PCDHGC3: variants seen among roughly 807,000 people sequenced by gnomAD.
PCDHGC3 encodes the protein protocadherin gamma-C3.
In PCDHGC3, 26 loss-of-function variants were observed where a neutral mutation model predicts 59.2. The observed-to-expected ratio is 0.44, with a 90% CI of 0.32 to 0.61. The LOEUF is 0.61. Ranked by LOEUF, PCDHGC3 falls within the 20% of genes least tolerant of loss-of-function variation. The pLI, the probability that PCDHGC3 is intolerant of heterozygous loss-of-function variation, is 0.05. For missense variants in PCDHGC3, 1,080 were observed against 1,221.8 expected (o/e 0.88, Z 1.73); for synonymous variants, 487 against 519.7 (o/e 0.94, Z 0.86).
chr5:141,489,592 C>A lies in PCDHGC3; in HGVS notation c.2431-5215C>A, dbSNP rs747085985. On this transcript the variant is annotated intron_variant, in intron 1 of 3. Coordinates refer to ENST00000308177, the MANE Select transcript of PCDHGC3 (RefSeq NM_002588.4). The surrounding 1 kb of genome is among the most constrained non-coding windows in gnomAD (Gnocchi z 4.5). ...GACTGAACACCCCCTGGAGCTAATCCGTGTAGAGGTAGAGATCCTGGATCT... is the reference window on the plus strand; with the variant it reads ...GACTGAACACCCCCTGGAGCTAATCAGTGTAGAGGTAGAGATCCTGGATCT... 3 of 1,614,046 alleles carry A rather than the reference C, an allele frequency of 1.9e-6. No homozygotes were observed. Among genetic ancestry groups the A allele is most frequent in the Non-Finnish European group, 2.5e-6 (3 of 1,179,978 alleles).
intron 1 of PCDHGC3, among the ~76,000 whole-genome samples, chr5:141,481,913 CAAAAAAA>C (rs34114744): frequency 2.2e-5 from 2 of 90,812 alleles, no homozygotes; most frequent in Admixed American, 1.2e-4. Context: ...AACTCCATCT[CAAAAAAA>C]AAAAAAAAAA....
chr5:141,499,751 A>G (rs1355923543), intron 2 of PCDHGC3, among the ~76,000 whole-genome samples: 2 of 149,258 alleles, frequency 1.3e-5, no homozygotes, highest in Non-Finnish European at 3.0e-5. Flanking sequence ...CTGTGGCACA[A>G]TCTCAGCTCA....
Position 141,491,456 on chromosome 5 carries a change from C to A in PCDHGC3, c.2431-3351C>A. ...TGCAGGCGCCAGGACTCACCCTCCC[C>A]GGACTTCTATAAGCAGTCCAGCCCC... On this transcript the variant is annotated intron_variant, in intron 1 of 3. Coordinates refer to ENST00000308177, the MANE Select transcript of PCDHGC3 (RefSeq NM_002588.4). The surrounding 1 kb of genome is among the most constrained non-coding windows in gnomAD (Gnocchi z 6.9). 1.2e-6 allele frequency: 2 copies of A among 1,614,104 alleles called. No homozygotes were observed.
At chr5:141,497,499 C>G (rs1217418941) in intron 2 of PCDHGC3, among the ~76,000 whole-genome samples, 3 of 151,416 alleles carry the variant, frequency 2.0e-5, no homozygotes, top group Non-Finnish European at 4.4e-5. Context: ...TCTCTCTCCT[C>G]TCTCTGCTTC....
In PCDHGC3 at chr5:141,490,490, C is replaced by A. The variant is rs886264588; in HGVS notation, c.2431-4317C>A. The A allele has an allele frequency of 1.2e-6, 2 of 1,614,184 alleles. No individual in the cohort carries two copies. Among genetic ancestry groups the A allele is most frequent in the Non-Finnish European group, 1.7e-6 (2 of 1,180,028 alleles). ...AGCCAGCCTTTGGACCGGGAGGCCA[C>A]ATCCCACTATATCATCGAGCTGCTG... On this transcript the variant is annotated intron_variant, in intron 1 of 3. Transcript: ENST00000308177. The surrounding 1 kb of genome is among the most constrained non-coding windows in gnomAD (Gnocchi z 5.4).
chr5:141,490,045 C>G lies in PCDHGC3; in HGVS notation c.2431-4762C>G, dbSNP rs530803072. 6 of 1,614,114 alleles carry G rather than the reference C, an allele frequency of 3.7e-6. No individual in the cohort carries two copies. The highest frequency in any genetic ancestry group is 5.1e-6 in the Non-Finnish European group (6 of 1,180,014). On this transcript the variant is annotated intron_variant, in intron 1 of 3. Coordinates refer to ENST00000308177, the MANE Select transcript of PCDHGC3 (RefSeq NM_002588.4). This position sits in a 1 kb window ranked among gnomAD's most constrained non-coding sequence, Gnocchi z 5.4. ...GCTGCTCCGCCTCAATGCCACTGAT[C>G]CAGACGAGGGCACCAACGGCCAACT...
At position 141,481,719 on chromosome 5, in the gene PCDHGC3, G is replaced by A. The variant is rs1055207250; in HGVS notation, c.2430+3173G>A. On this transcript the variant is annotated intron_variant, in intron 1 of 3. Coordinates refer to ENST00000308177, the MANE Select transcript of PCDHGC3 (RefSeq NM_002588.4). ...CTGTAATCCCAGCACTTTGGGAGGC[G>A]GAGGCGGGCGGATCACGAGGTCAGG... 5.3e-5 allele frequency among the ~76,000 whole-genome samples: 8 copies of A among 151,716 alleles called. No homozygotes were observed. In the East Asian group the frequency reaches 9.7e-4, roughly 18 times the overall value.
In PCDHGC3 at chr5:141,476,445, T is replaced by G. The variant is rs2099391853; in HGVS notation, c.329T>G (p.Leu110Trp). 1 of 1,613,956 alleles carries G rather than the reference T, an allele frequency of 6.2e-7. No individual in the cohort carries two copies. The highest frequency in any genetic ancestry group is 1.7e-5 in the Admixed American group (1 of 60,008). ...TLPSCTVTLELVVENPLELFS... is the reference protein window; with the variant it reads ...TLPSCTVTLEWVVENPLELFS... The stretch of plus-strand genomic sequence containing the variant: ...CCCTCTTGCACTGTAACTCTGGAGT[T>G]GGTAGTGGAGAACCCGCTGGAGCTG... The change falls in exon 1 of 4, where the codon TTG becomes TGG. Residue 110 changes from leucine (L) to tryptophan (W), a missense_variant. Leu to Trp is a moderately conservative substitution (Grantham distance 61, BLOSUM62 -2). Coordinates refer to ENST00000308177, the MANE Select transcript of PCDHGC3 (RefSeq NM_002588.4). This position sits in a 1 kb window ranked among gnomAD's most constrained non-coding sequence, Gnocchi z 7.6.
Position 141,487,665 on chromosome 5 carries a change from G to T in PCDHGC3, c.2431-7142G>T, listed in dbSNP as rs373971935. 8.7e-5 allele frequency: 141 copies of T among 1,612,724 alleles called. No individual in the cohort carries two copies. The highest frequency in any genetic ancestry group is 1.1e-4 in the Non-Finnish European group (135 of 1,179,392). On this transcript the variant is annotated intron_variant, in intron 1 of 3. Coordinates refer to ENST00000308177, the MANE Select transcript of PCDHGC3 (RefSeq NM_002588.4). The surrounding 1 kb of genome is among the most constrained non-coding windows in gnomAD (Gnocchi z 5.0). ...ATGCTTGAGGGTTATTCTGATCCAG[G>T]CATATGGCTAGGCCATGTCCTAGAG...
Position 141,491,726 on chromosome 5 carries a change from C to A in PCDHGC3, c.2431-3081C>A, listed in dbSNP as rs1018940432. ...GTGAGGGGCTCGGCGCCGCCCCGGG[C>A]GACCCCTGGGGGCGGCACTGGAGAA... On this transcript the variant is annotated intron_variant, in intron 1 of 3. Coordinates refer to ENST00000308177, the MANE Select transcript of PCDHGC3 (RefSeq NM_002588.4). This position sits in a 1 kb window ranked among gnomAD's most constrained non-coding sequence, Gnocchi z 6.9. 2.2e-5 allele frequency: 36 copies of A among 1,605,766 alleles called. No individual in the cohort carries two copies. Among genetic ancestry groups the A allele is most frequent in the African/African-American group, 4.0e-5 (3 of 74,588 alleles).
chr5:141,477,002 G>A lies in PCDHGC3; in HGVS notation c.886G>A (p.Ala296Thr), dbSNP rs770390597. Residue 296 changes from alanine (A) to threonine (T), a missense_variant, in exon 1 of 4, where the codon GCC becomes ACC. Ala to Thr is a moderately conservative substitution (Grantham distance 58, BLOSUM62 0). Coordinates refer to ENST00000308177, the MANE Select transcript of PCDHGC3 (RefSeq NM_002588.4). The surrounding 1 kb of genome is among the most constrained non-coding windows in gnomAD (Gnocchi z 4.9). ...HNRAGVRQLF[A>T]LDLVTGMLTI... is the part of the protein sequence containing the mutation. ...CCGCGCCGGCGTGCGGCAACTATTC[G>A]CCTTAGACCTTGTAACCGGGATGCT... 6.2e-7 allele frequency: 1 copy of A among 1,614,102 alleles called. No homozygotes were observed. The highest frequency in any genetic ancestry group is 1.3e-5 in the African/African-American group (1 of 74,952).
rs563057370 is a variant in PCDHGC3 at position 141,491,297 on chromosome 5, A to G, written c.2431-3510A>G. 1.2e-6 allele frequency: 2 copies of G among 1,614,106 alleles called. No homozygotes were observed. Among genetic ancestry groups the G allele is most frequent in the African/African-American group, 2.7e-5 (2 of 75,038 alleles). On this transcript the variant is annotated intron_variant, in intron 1 of 3. Transcript: ENST00000308177. This position sits in a 1 kb window ranked among gnomAD's most constrained non-coding sequence, Gnocchi z 6.9. The stretch of plus-strand genomic sequence containing the variant: ...AGTGACTTCCTCATACACCCTCCTG[A>G]GCGTTCAGACCTTACCCTTTACCTC...
Position 141,511,253 on chromosome 5 carries a change from A to G in PCDHGC3, c.*80A>G. The G allele has an allele frequency of 1.3e-6, 2 of 1,568,402 alleles. No homozygotes were observed. The highest frequency in any genetic ancestry group is 1.7e-6 in the Non-Finnish European group (2 of 1,157,066). On this transcript the variant is annotated 3_prime_UTR_variant, in exon 4 of 4. Coordinates refer to ENST00000308177, the MANE Select transcript of PCDHGC3 (RefSeq NM_002588.4). ...CTCCTTACCTGCACCCAGGCCTCAG[A>G]GTTTCAGGGCTAACCCCCAGAATAC...
chr5:141,502,884 A>T (rs2099816871), intron 2 of PCDHGC3, among the ~76,000 whole-genome samples: 1 of 36,804 alleles, frequency 2.7e-5, no homozygotes, highest in African/African-American at 3.5e-4. Context: ...TTTTTTTGAC[A>T]GGGAGTCTAG....
chr5:141,485,920 T>G lies in PCDHGC3; in HGVS notation c.2430+7374T>G. 4 of 1,614,038 alleles carry G rather than the reference T, an allele frequency of 2.5e-6. No individual in the cohort carries two copies. Among genetic ancestry groups the G allele is most frequent in the Non-Finnish European group, 3.4e-6 (4 of 1,180,010 alleles). ...CCTTCCAGCAATCCAGCTACAGGAT[T>G]AGTGTGTTGGAGAGCGCACCAGCGG... On this transcript the variant is annotated intron_variant, in intron 1 of 3. Transcript: ENST00000308177. The surrounding 1 kb of genome is among the most constrained non-coding windows in gnomAD (Gnocchi z 5.7).
intron 3 of PCDHGC3, chr5:141,507,000 TGA>T (rs1235660361): frequency 1.3e-5 from 2 of 152,218 alleles, no homozygotes; most frequent in African/African-American, 4.8e-5. Flanking sequence ...ACTCGACAGA[TGA>T]GAGAACCGAG....
At position 141,490,908 on chromosome 5, in the gene PCDHGC3, C is replaced by A; in HGVS notation, c.2431-3899C>A. On this transcript the variant is annotated intron_variant, in intron 1 of 3. Coordinates refer to ENST00000308177, the MANE Select transcript of PCDHGC3 (RefSeq NM_002588.4). The surrounding 1 kb of genome is among the most constrained non-coding windows in gnomAD (Gnocchi z 5.4). The stretch of plus-strand genomic sequence containing the variant: ...CATCTCTGCATGTGTTTGTCCTAGA[C>A]GAGAATGATAATGCCCCAGCTGTGC... The A allele has an allele frequency of 6.2e-7, 1 of 1,613,710 alleles. No homozygotes were observed. Among genetic ancestry groups the A allele is most frequent in the Non-Finnish European group, 8.5e-7 (1 of 1,179,754 alleles).
chr5:141,495,107 A>G (rs559621284), intron 2 of PCDHGC3, among the ~76,000 whole-genome samples: 1 of 152,166 alleles, frequency 6.6e-6, no homozygotes, highest in East Asian at 1.9e-4. Flanking sequence ...CACGACCGGC[A>G]CCTTTTCCTA....
intron 2 of PCDHGC3, among the ~76,000 whole-genome samples, chr5:141,501,700 C>T (rs936448354): frequency 6.6e-6 from 1 of 151,950 alleles, no homozygotes; most frequent in African/African-American, 2.4e-5. Flanking sequence ...AGGGTGATTC[C>T]GAGGATAAAA....
Sources: gnomAD v4.1 joint callset for allele counts (sites outside exome capture counted in the v4.1 genomes callset) on GRCh38, gnomAD v4.1.1 for gene constraint, Gnocchi (gnomAD v3.1) non-coding constraint, MANE v1.5 for transcripts, NCBI Gene and HGNC (gene_info 2026-07-23, HGNC 2026-07-21) for gene names.